RAD51B: variants seen among roughly 807,000 people sequenced by gnomAD.
RAD51B encodes the protein DNA repair protein RAD51 homolog 2.
Under a neutral mutation model 42.2 loss-of-function variants are expected in RAD51B, and 38 were observed. The ratio of observed to expected loss-of-function variants is 0.90; its 90% CI spans 0.70 to 1.18. RAD51B has a LOEUF of 1.18. Ranked by LOEUF, RAD51B falls within the 50% of genes most tolerant of loss-of-function variation. The probability of loss-of-function intolerance (pLI) is 0.00; values close to 1 mark genes in which losing one functional copy is unlikely to be tolerated. For synonymous variants in RAD51B, 154 were observed against 145.2 expected (o/e 1.06, Z -0.43); for missense variants, 373 against 400.7 (o/e 0.93, Z 0.59).
At chr14:68,617,100 A>G (rs1350110758) in intron 10 of RAD51B, among the ~76,000 whole-genome samples, 1 of 151,078 alleles carries the variant, frequency 6.6e-6, no homozygotes, top group Non-Finnish European at 1.5e-5. Context: ...TATGGGTCAC[A>G]TTTTTCTGCT....
chr14:68,107,644 T>C (rs1221494876), intron 7 of RAD51B, among the ~76,000 whole-genome samples: 1 of 151,848 alleles, frequency 6.6e-6, no homozygotes, highest in Non-Finnish European at 1.5e-5. Flanking sequence ...GAATTATAAA[T>C]GAGAGTTGGG....
At chr14:67,907,859 G>A (rs2043829173) in intron 7 of RAD51B, among the ~76,000 whole-genome samples, 1 of 151,248 alleles carries the variant, frequency 6.6e-6, no homozygotes, top group South Asian at 2.1e-4. Context: ...TATTGTTGGG[G>A]GGCTGTGGCG....
intron 10 of RAD51B, among the ~76,000 whole-genome samples, chr14:68,514,564 A>AG (rs1310694284): frequency 6.6e-6 from 1 of 152,166 alleles, no homozygotes; most frequent in Non-Finnish European, 1.5e-5. Context: ...GCTCTCAGAG[A>AG]GGGGCTCCCA....
At chr14:68,384,514 A>G (rs1485444516) in intron 8 of RAD51B, among the ~76,000 whole-genome samples, 1 of 152,208 alleles carries the variant, frequency 6.6e-6, no homozygotes, top group African/African-American at 2.4e-5. Flanking sequence ...TTTGCCTCCC[A>G]GAGTGGCAAG....
rs1238241813 is a variant in RAD51B, at chr14:68,477,661, A to G, written c.1050A>G (p.Pro350=). 1.9e-6 allele frequency: 3 copies of G among 1,609,584 alleles called. No homozygotes were observed. The African/African-American group carries it at 4.1e-5, about 22-fold the overall frequency. The change falls in exon 11 of 11, where the codon CCA becomes CCG. Residue 350 remains proline (P), a synonymous_variant. Coordinates refer to ENST00000471583, the MANE Select transcript of RAD51B (RefSeq NM_133510.4). The stretch of plus-strand genomic sequence containing the variant: ...TTTTTCCTTTAGGCCAAGAGAAGCC[A>G]TAGGGATACTGTGACCTTTGTCTAG... ...EGLVLQGQEK[P] is the part of the protein sequence containing the mutation.
At chr14:68,054,278 C>G (rs1261863701) in intron 7 of RAD51B, among the ~76,000 whole-genome samples, 1 of 152,092 alleles carries the variant, frequency 6.6e-6, no homozygotes, top group African/African-American at 2.4e-5. Flanking sequence ...ACAATTTATT[C>G]TTTGTCCCCT....
At chr14:68,021,558 C>T (rs756484844) in intron 7 of RAD51B, among the ~76,000 whole-genome samples, 1 of 152,138 alleles carries the variant, frequency 6.6e-6, no homozygotes, top group Non-Finnish European at 1.5e-5. Context: ...AAATTGCTAC[C>T]TAGCTAAACT....
chr14:68,559,111 A>G (rs1479999042), intron 10 of RAD51B, among the ~76,000 whole-genome samples: 2 of 151,756 alleles, frequency 1.3e-5, no homozygotes, highest in African/African-American at 4.8e-5. Flanking sequence ...AGTGTTATAT[A>G]TATGTGTGCA....
intron 7 of RAD51B, among the ~76,000 whole-genome samples, chr14:68,233,037 C>T (rs1465424416): frequency 6.6e-6 from 1 of 151,960 alleles, no homozygotes; most frequent in Non-Finnish European, 1.5e-5. Flanking sequence ...GGGCTATATC[C>T]ACAGGCCATT....
At chr14:68,425,530 C>T (rs997672792) in intron 9 of RAD51B, among the ~76,000 whole-genome samples, 1 of 152,222 alleles carries the variant, frequency 6.6e-6, no homozygotes, top group Non-Finnish European at 1.5e-5. Context: ...TTTGCCCTTC[C>T]ACCATGCAAT....
intron 7 of RAD51B, among the ~76,000 whole-genome samples, chr14:68,060,880 T>C (rs1296763166): frequency 6.6e-6 from 1 of 152,150 alleles, no homozygotes; most frequent in African/African-American, 2.4e-5. Flanking sequence ...AAAAATTAGT[T>C]GGCTATAAAT....
intron 6 of RAD51B, 106 bp from the exon 7 acceptor site, chr14:67,886,915 A>C: frequency 5.8e-6 from 4 of 690,050 alleles, no homozygotes; most frequent in Non-Finnish European, 2.2e-6. Flanking sequence ...ACTGTAACTT[A>C]GGAAAGAATA....
chr14:68,342,705 C>A (rs1057026823), intron 8 of RAD51B, among the ~76,000 whole-genome samples: 2 of 143,832 alleles, frequency 1.4e-5, no homozygotes, highest in African/African-American at 4.9e-5. Context: ...AAAGGTTTAT[C>A]CTTGTCACCA....
At chr14:67,888,866 A>G (rs528986501) in intron 7 of RAD51B, among the ~76,000 whole-genome samples, 33 of 152,190 alleles carry the variant, frequency 2.2e-4, no homozygotes, top group Non-Finnish European at 4.1e-4. Flanking sequence ...CCAATCCCCC[A>G]TGGATACAGG....
intron 9 of RAD51B, among the ~76,000 whole-genome samples, chr14:68,453,360 C>T (rs1453844977): frequency 6.6e-6 from 1 of 152,178 alleles, no homozygotes; most frequent in Non-Finnish European, 1.5e-5. Context: ...AGAACAGAGA[C>T]ACTTTTGTGC....
intron 7 of RAD51B, among the ~76,000 whole-genome samples, chr14:68,039,711 A>C (rs1187670049): frequency 6.6e-6 from 1 of 152,246 alleles, no homozygotes; most frequent in Non-Finnish European, 1.5e-5. Flanking sequence ...TACATACATC[A>C]GGAAGCCTTT....
chr14:68,614,086 A>G (rs1002371087), downstream of RAD51B, among the ~76,000 whole-genome samples: 4 of 152,238 alleles, frequency 2.6e-5, no homozygotes, highest in Non-Finnish European at 5.9e-5. Flanking sequence ...CTCATACTGC[A>G]GGAAAGTAAG....
chr14:68,562,136 C>A, intron 10 of RAD51B: 1 of 985,314 alleles, frequency 1.0e-6, no homozygotes, highest in Non-Finnish European at 1.2e-6. Flanking sequence ...CCCTCGTCAC[C>A]CTGGAAATGC....
intron 7 of RAD51B, among the ~76,000 whole-genome samples, chr14:68,015,264 T>C (rs557846009): frequency 6.6e-6 from 1 of 152,336 alleles, no homozygotes; most frequent in East Asian, 1.9e-4. Context: ...CATTCACTTA[T>C]TAAAAGCATG....
Sources: allele counts gnomAD v4.1 joint callset (sites outside exome capture counted in the v4.1 genomes callset), GRCh38; gene constraint gnomAD v4.1.1; transcripts MANE v1.5; gene names NCBI Gene and HGNC (gene_info 2026-07-23, HGNC 2026-07-21).